The following CRYBG3 variants were observed in gnomAD, a reference collection of about 807,000 sequenced individuals.
CRYBG3 encodes the protein very large A-kinase anchor protein.
In CRYBG3, 127 loss-of-function variants were observed where a neutral mutation model predicts 244.2. The observed-to-expected ratio is 0.52, with a 90% CI of 0.45 to 0.60. The LOEUF (loss-of-function observed/expected upper bound fraction) is 0.60, where lower values mean the gene tolerates loss of function less well. Among genes scored for constraint, CRYBG3 ranks in the 20% least tolerant of loss-of-function variants. CRYBG3 has a pLI of 0.00. For missense variants in CRYBG3, 3,325 were observed against 3,442.5 expected, an observed-to-expected ratio of 0.97 and a Z score of 0.85; for synonymous variants, 1,132 against 1,195.8, an observed-to-expected ratio of 0.95 and a Z score of 1.10.
At chr3:97,917,046 A>G (rs907587736) in intron 17 of CRYBG3, among the ~76,000 whole-genome samples, 2 of 152,186 alleles carry the variant, frequency 1.3e-5, no homozygotes, top group Admixed American at 1.3e-4. Flanking sequence ...TCTAAAAGCA[A>G]AAGATAGAGG....
rs767864096 is a variant in CRYBG3 at position 97,899,119 on chromosome 3, T to C, written c.7845-18T>C. ...TCACTTGTTTTTATTTTTTTGTTTT[T>C]TCTTTTTTCCCTACTAGATGGGTTG... is the stretch of plus-strand genomic sequence containing the variant. On this transcript the variant is annotated intron_variant, in intron 13 of 21. Coordinates refer to ENST00000389622, the MANE Select transcript of CRYBG3 (RefSeq NM_153605.4). 1.0e-5 allele frequency: 16 copies of C among 1,599,220 alleles called. No individual in the cohort carries two copies. Among genetic ancestry groups the C allele is most frequent in the Non-Finnish European group, 1.4e-5 (16 of 1,175,966 alleles).
chr3:97,916,330 C>G (rs1235052606), intron 17 of CRYBG3, among the ~76,000 whole-genome samples: 1 of 152,130 alleles, frequency 6.6e-6, no homozygotes, highest in Admixed American at 6.5e-5. Flanking sequence ...TTTTGGGAAC[C>G]AGGGCCTTTC....
intron 17 of CRYBG3, among the ~76,000 whole-genome samples, chr3:97,931,182 A>G (rs2040093448): frequency 6.6e-6 from 1 of 151,978 alleles, no homozygotes; most frequent in South Asian, 2.1e-4. Context: ...AGCCCTTACA[A>G]CCTAGATTTT....
At chr3:97,829,486 T>C (rs2038625213) in intron 1 of CRYBG3, among the ~76,000 whole-genome samples, 1 of 152,220 alleles carries the variant, frequency 6.6e-6, no homozygotes, top group Non-Finnish European at 1.5e-5. Context: ...GAGTTGGTTT[T>C]CATCTCTAAG....
At chr3:97,832,058 A>G (rs2038661184) in intron 1 of CRYBG3, among the ~76,000 whole-genome samples, 2 of 152,032 alleles carry the variant, frequency 1.3e-5, no homozygotes, top group Non-Finnish European at 2.9e-5. Flanking sequence ...CTAACCTCTC[A>G]ATGATGGCTA....
At chr3:97,839,951 G>A (rs1455670081) in intron 1 of CRYBG3, among the ~76,000 whole-genome samples, 1 of 151,986 alleles carries the variant, frequency 6.6e-6, no homozygotes, top group East Asian at 1.9e-4. Flanking sequence ...GCCAGGCGGG[G>A]TGCCAGGCTC....
At chr3:97,850,024 TA>T (rs776338179) in intron 2 of CRYBG3, among the ~76,000 whole-genome samples, 34 of 152,144 alleles carry the variant, frequency 2.2e-4, no homozygotes, top group Non-Finnish European at 1.9e-4. Context: ...TTCAGGGTGA[TA>T]AAGCCTGCTA....
intron 9 of CRYBG3, 130 bp downstream of exon 9, chr3:97,888,585 T>TACAA (rs2039536493): frequency 1.5e-6 from 1 of 685,242 alleles, no homozygotes; most frequent in Admixed American, 2.6e-5. Flanking sequence ...CAAACTATTG[T>TACAA]ACTGTAGTGC....
intron 1 of CRYBG3, among the ~76,000 whole-genome samples, chr3:97,842,478 T>A (rs1435816101): frequency 2.0e-5 from 3 of 152,116 alleles, no homozygotes; most frequent in African/African-American, 7.2e-5. Flanking sequence ...GGAGGATTGC[T>A]TGAGCCCAAG....
intron 15 of CRYBG3, among the ~76,000 whole-genome samples, chr3:97,905,559 T>A (rs1480894108): frequency 6.6e-6 from 1 of 152,216 alleles, no homozygotes; most frequent in African/African-American, 2.4e-5. Context: ...GAAGTGTCTG[T>A]TCAAGTCCTT....
intron 7 of CRYBG3, among the ~76,000 whole-genome samples, chr3:97,885,272 ATGAT>A (rs1051891228): frequency 1.6e-4 from 25 of 152,202 alleles, no homozygotes; most frequent in African/African-American, 5.5e-4. Flanking sequence ...ATTAATAAGA[ATGAT>A]TGAGAATTCA....
At chr3:97,885,581 T>TAA (rs2039498287) in intron 7 of CRYBG3, among the ~76,000 whole-genome samples, 1 of 152,156 alleles carries the variant, frequency 6.6e-6, no homozygotes, top group South Asian at 2.1e-4. Flanking sequence ...GATAAGGTCT[T>TAA]TTTTTGAGTT....
chr3:97,922,002 A>T (rs149777798), intron 17 of CRYBG3, among the ~76,000 whole-genome samples: 2,539 of 152,296 alleles, frequency 0.017, 38 homozygotes, highest in Non-Finnish European at 0.024. Flanking sequence ...AAAACTTCAG[A>T]TAAAATTAAG....
At chr3:97,918,971 G>A (rs1358733706) in intron 17 of CRYBG3, among the ~76,000 whole-genome samples, 1 of 152,150 alleles carries the variant, frequency 6.6e-6, no homozygotes, top group Non-Finnish European at 1.5e-5. Flanking sequence ...AAATTAGGCA[G>A]GGGAATAGAC....
chr3:97,920,704 A>T (rs2039974435), intron 17 of CRYBG3, among the ~76,000 whole-genome samples: 1 of 151,910 alleles, frequency 6.6e-6, no homozygotes, highest in African/African-American at 2.4e-5. Context: ...TAATGTTTGT[A>T]TTTTTAGTAG....
In CRYBG3 at chr3:97,876,283, G is replaced by T. The variant is rs576573132; in HGVS notation, c.5089G>T (p.Gly1697Cys). Reference protein sequence around the residue: ...LSEVENIHQKGGEGISEKAEV... With the variant: ...LSEVENIHQKCGEGISEKAEV... The stretch of plus-strand genomic sequence containing the variant: ...AGAAGTGGAAAATATCCACCAAAAA[G>T]GTGGTGAAGGGATTAGTGAAAAGGC... The change falls in exon 4 of 22, where the codon GGT becomes TGT. Residue 1697 changes from glycine (G) to cysteine (C), a missense_variant. Physicochemically the swap from Gly to Cys is radical, Grantham distance 159 (BLOSUM62 -3). Around this residue, in one of 4 missense-constraint regions of CRYBG3, gnomAD observed 635 missense variants for 771.7 expected, o/e 0.82. Transcript: ENST00000389622. 1 of 1,231,856 alleles carries T rather than the reference G, an allele frequency of 8.1e-7. No homozygotes were observed. The highest frequency in any genetic ancestry group is 3.2e-5 in the East Asian group (1 of 31,704). 76.3% of individuals were successfully genotyped at this position (1,231,856 alleles called of 1,614,324 possible). A position where few individuals can be genotyped will look rare whatever the true frequency, so the allele number is the denominator to read the frequency against.
At chr3:97,849,438 T>TA (rs149006625) in intron 2 of CRYBG3, among the ~76,000 whole-genome samples, 3,842 of 146,170 alleles carry the variant, frequency 0.026, 148 homozygotes, top group African/African-American at 0.09. Context: ...TGATTGCTTC[T>TA]AAAAAAAAAA....
rs1356952698 is a variant in CRYBG3 at position 97,917,336 on chromosome 3, G to A, written c.8241+1600G>A. Among the ~76,000 whole-genome samples, 7 of 152,134 alleles carry A rather than the reference G, an allele frequency of 4.6e-5. 1 individual carries two copies. Among genetic ancestry groups the A allele is most frequent in the Admixed American group, 4.6e-4 (7 of 15,252 alleles). ...CCTAGTTTTTATCCAGGCAGCATAA[G>A]TGAAGGTGCCTATTGGGAAGTACTT... On this transcript the variant is annotated intron_variant, in intron 17 of 21. Transcript: ENST00000389622.
intron 2 of CRYBG3, among the ~76,000 whole-genome samples, chr3:97,859,930 GA>G (rs1157015387): frequency 6.6e-6 from 1 of 151,834 alleles, no homozygotes; most frequent in Non-Finnish European, 1.5e-5. Context: ...TTTCCTTCTG[GA>G]ACCTGTCATC....
Sources: gnomAD v4.1 joint callset for allele counts (sites outside exome capture counted in the v4.1 genomes callset) on GRCh38, gnomAD v4.1.1 for gene constraint, gnomAD v4.1.1 regional missense constraint, MANE v1.5 for transcripts, NCBI Gene and HGNC (gene_info 2026-07-23, HGNC 2026-07-21) for gene names.